MTNR1B: variants seen among roughly 807,000 people sequenced by gnomAD.
MTNR1B encodes melatonin receptor type 1B.
MTNR1B carries 7 observed loss-of-function variants against 7.0 expected under a neutral mutation model. The observed-to-expected ratio is 1.00, with a 90% CI of 0.57 to 1.88. The LOEUF is 1.88. MTNR1B is among the 40% of genes most tolerant of loss of function. MTNR1B has a pLI of 0.00. For synonymous variants in MTNR1B, 226 were observed against 208.2 expected (o/e 1.09, Z -0.74); for missense variants, 478 against 486.5 (o/e 0.98, Z 0.16).
At chr11:92,972,457 T>C (rs200858672) in intron 1 of MTNR1B, 2 of 456,072 alleles carry the variant, frequency 4.4e-6, no homozygotes, top group Non-Finnish European at 8.8e-6. Flanking sequence ...CTTTTTTTTT[T>C]CAGGGATATC....
At position 92,981,429 on chromosome 11, in the gene MTNR1B, C is replaced by G. The variant is rs6483210; in HGVS notation, c.224-18C>G. The G allele has an allele frequency of 1.2e-6, 2 of 1,605,396 alleles. No homozygotes were observed. Among genetic ancestry groups the G allele is most frequent in the African/African-American group, 1.3e-5 (1 of 74,628 alleles). ...TCGTGGGGTCTCGTGCTGACTGTTG[C>G]TCTGTTTGCTGCTTCAGGTAATTTG... On this transcript the variant is annotated intron_variant, in intron 1 of 1. Transcript: ENST00000257068.
chr11:92,983,659 T>C (rs1858155822), downstream of MTNR1B, among the ~76,000 whole-genome samples: 1 of 152,188 alleles, frequency 6.6e-6, no homozygotes. Flanking sequence ...TTTATATTCG[T>C]AGAAATCTCA....
At chr11:92,983,390 G>A (rs1199597003), downstream of MTNR1B, among the ~76,000 whole-genome samples, 1 of 152,040 alleles carries the variant, frequency 6.6e-6, no homozygotes, top group African/African-American at 2.4e-5. Flanking sequence ...GCCCATTCCT[G>A]TGGTCCTAAC....
At chr11:92,972,377 T>C (rs1220366759) in intron 1 of MTNR1B, 1 of 456,004 alleles carries the variant, frequency 2.2e-6, no homozygotes, top group Non-Finnish European at 4.4e-6. Context: ...CCAGTTCCTC[T>C]ATGGAGCAGA....
In MTNR1B at chr11:92,969,905, G is replaced by T. The variant is rs146273048; in HGVS notation, c.180G>T (p.Leu60=). 4.2e-5 allele frequency: 68 copies of T among 1,612,180 alleles called. No homozygotes were observed. The African/African-American group carries it at 8.6e-4, about 20-fold the overall frequency. ...TTAVDVVGNL[L]VILSVLRNRK... Reference sequence around the variant, plus strand: ...CCGTGGACGTCGTGGGCAACCTCCTGGTGATCCTCTCCGTGCTCAGGAACC... The same window carrying T: ...CCGTGGACGTCGTGGGCAACCTCCTTGTGATCCTCTCCGTGCTCAGGAACC... Residue 60 remains leucine (L), a synonymous_variant, in exon 1 of 2, where the codon CTG becomes CTT. Coordinates refer to ENST00000257068, the MANE Select transcript of MTNR1B (RefSeq NM_005959.5).
intron 1 of MTNR1B, 104 bp downstream of exon 1, chr11:92,970,052 G>C: frequency 1.5e-6 from 2 of 1,339,662 alleles, no homozygotes; most frequent in Non-Finnish European, 1.9e-6. Context: ...TCCTCAGCCC[G>C]GGCTCCCCTT....
Position 92,981,942 on chromosome 11 carries a change from T to G in MTNR1B, c.719T>G (p.Leu240Arg), listed in dbSNP as rs759734391. 3 of 1,614,254 alleles carry G rather than the reference T, an allele frequency of 1.9e-6. No individual in the cohort carries two copies. Among genetic ancestry groups the G allele is most frequent in the Non-Finnish European group, 2.5e-6 (3 of 1,180,046 alleles). Reference sequence around the variant, plus strand: ...AGGAAAGCCAAGCCAGAGAGCAGGCTGTGCCTGAAGCCCAGCGACTTGCGG... The same window carrying G: ...AGGAAAGCCAAGCCAGAGAGCAGGCGGTGCCTGAAGCCCAGCGACTTGCGG... ...ARRKAKPESR[L>R]CLKPSDLRSF... is the part of the protein sequence containing the mutation. Residue 240 changes from leucine to arginine, a missense_variant, in exon 2 of 2, where the codon CTG becomes CGG. Physicochemically the swap from Leu to Arg is moderately radical, Grantham distance 102. Coordinates refer to ENST00000257068, the MANE Select transcript of MTNR1B (RefSeq NM_005959.5).
At position 92,981,896 on chromosome 11, in the gene MTNR1B, G is replaced by A; in HGVS notation, c.673G>A (p.Val225Met). The A allele has an allele frequency of 6.2e-7, 1 of 1,614,170 alleles. No individual in the cohort carries two copies. The highest frequency in any genetic ancestry group is 1.6e-4 in the Middle Eastern group (1 of 6,062). Residue 225 changes from valine to methionine, a missense_variant, in exon 2 of 2, where the codon GTG (valine) becomes ATG (methionine). Transcript: ENST00000257068. Reference sequence around the variant, plus strand: ...GTCCTTCTGCTACCTGCGCATCTGGGTGCTGGTGCTTCAGGCCCGCAGGAA... The same window carrying A: ...GTCCTTCTGCTACCTGCGCATCTGGATGCTGGTGCTTCAGGCCCGCAGGAA... Reference protein sequence around the residue: ...VVSFCYLRIWVLVLQARRKAK... With the variant: ...VVSFCYLRIWMLVLQARRKAK...
At chr11:92,983,842 A>T (rs1858157909), downstream of MTNR1B, among the ~76,000 whole-genome samples, 1 of 152,192 alleles carries the variant, frequency 6.6e-6, no homozygotes, top group Admixed American at 6.5e-5. Flanking sequence ...GCATTGTGGT[A>T]AGGGCTTGAT....
chr11:92,977,873 G>C (rs1858035661), intron 1 of MTNR1B, among the ~76,000 whole-genome samples: 1 of 152,204 alleles, frequency 6.6e-6, no homozygotes, highest in South Asian at 2.1e-4. Flanking sequence ...AACACTGTTA[G>C]AAAACATAGA....
At position 92,981,868 on chromosome 11, in the gene MTNR1B, C is replaced by T. The variant is rs190657477; in HGVS notation, c.645C>T (p.Val215=). ...VVIHFLLPIA[V]VSFCYLRIWV... is the part of the protein sequence containing the mutation. Reference sequence around the variant, plus strand: ...TCCACTTCCTCCTCCCTATCGCTGTCGTGTCCTTCTGCTACCTGCGCATCT... The same window carrying T: ...TCCACTTCCTCCTCCCTATCGCTGTTGTGTCCTTCTGCTACCTGCGCATCT... Residue 215 remains valine, a synonymous_variant, in exon 2 of 2, where the codon GTC becomes GTT. Transcript: ENST00000257068. The T allele has an allele frequency of 2.5e-5, 41 of 1,614,216 alleles. No homozygotes were observed. Among genetic ancestry groups the T allele is most frequent in the East Asian group, 2.0e-4 (9 of 44,886 alleles).
chr11:92,973,899 A>G (rs1591903221), intron 1 of MTNR1B, among the ~76,000 whole-genome samples: 1 of 152,366 alleles, frequency 6.6e-6, no homozygotes, highest in South Asian at 2.1e-4. Context: ...ATTTTGCTCC[A>G]TGAGCTGGGA....
downstream of MTNR1B, among the ~76,000 whole-genome samples, chr11:92,984,063 A>C (rs1301462500): frequency 2.6e-5 from 4 of 152,128 alleles, no homozygotes; most frequent in Admixed American, 2.6e-4. Context: ...GCAGGGACAA[A>C]GTGCAGTGGG....
downstream of MTNR1B, among the ~76,000 whole-genome samples, chr11:92,984,485 C>T (rs1370577775): frequency 6.6e-6 from 1 of 152,302 alleles, no homozygotes; most frequent in Non-Finnish European, 1.5e-5. Flanking sequence ...CTTTTCCTGG[C>T]TCTGGGCAAA....
rs555139096 is a variant in MTNR1B, at chr11:92,981,731, G to A, written c.508G>A (p.Val170Met). 2.6e-4 allele frequency: 424 copies of A among 1,614,216 alleles called. 23 individuals carry two copies. The South Asian group carries it at 4.6e-3, about 18-fold the overall frequency. The change falls in exon 2 of 2, where the codon GTG becomes ATG. Residue 170 changes from valine to methionine, a missense_variant. Transcript: ENST00000257068. The stretch of plus-strand genomic sequence containing the variant: ...CTGCCTCATCTGGCTCCTCACCGTG[G>A]TGGCCTTGCTGCCCAACTTCTTTGT... Reference protein sequence around the residue: ...HICLIWLLTVVALLPNFFVGS... With the variant: ...HICLIWLLTVMALLPNFFVGS...
downstream of MTNR1B, among the ~76,000 whole-genome samples, chr11:92,983,149 C>T (rs1229472499): frequency 6.6e-6 from 1 of 152,132 alleles, no homozygotes; most frequent in African/African-American, 2.4e-5. Flanking sequence ...TGGGATAACA[C>T]ATCTGCAGAG....
chr11:92,981,070 C>A (rs1858095160), intron 1 of MTNR1B, among the ~76,000 whole-genome samples: 1 of 152,200 alleles, frequency 6.6e-6, no homozygotes. Context: ...CTCTCCTCCT[C>A]CGAAATCTTT....
chr11:92,972,491 A>C (rs1052615786), intron 1 of MTNR1B: 3 of 455,696 alleles, frequency 6.6e-6, no homozygotes, highest in Non-Finnish European at 1.3e-5. Context: ...CTGTTGCTGC[A>C]TGTGGTGGGT....
intron 1 of MTNR1B, among the ~76,000 whole-genome samples, chr11:92,971,378 G>A (rs972463980): frequency 6.6e-6 from 1 of 152,238 alleles, no homozygotes; most frequent in Non-Finnish European, 1.5e-5. Flanking sequence ...ACTCACTTCA[G>A]TAGTGGTGGC....
Sources: gnomAD v4.1 joint callset for allele counts (sites outside exome capture counted in the v4.1 genomes callset) on GRCh38, gnomAD v4.1.1 for gene constraint, MANE v1.5 for transcripts, NCBI Gene and HGNC (gene_info 2026-07-23, HGNC 2026-07-21) for gene names.